The following ZFYVE9 variants were observed in gnomAD, a reference collection of about 807,000 sequenced individuals.
The protein encoded by ZFYVE9 is zinc finger FYVE-type containing 9.
Under a neutral mutation model 126.7 loss-of-function variants are expected in ZFYVE9, and 43 were observed. That is an observed-to-expected ratio of 0.34 (90% CI 0.27 to 0.44). The LOEUF (loss-of-function observed/expected upper bound fraction) is 0.44, where lower values mean the gene tolerates loss of function less well. Ranked by LOEUF, ZFYVE9 falls within the 20% of genes least tolerant of loss-of-function variation. ZFYVE9 has a pLI of 1.00. For synonymous variants in ZFYVE9, 521 were observed against 597.4 expected (o/e 0.87, Z 1.87); for missense variants, 1,476 against 1,697.0 (o/e 0.87, Z 2.29).
intron 1 of ZFYVE9, among the ~76,000 whole-genome samples, chr1:52,200,519 T>C (rs1644913741): frequency 6.6e-6 from 1 of 152,164 alleles, no homozygotes; most frequent in Non-Finnish European, 1.5e-5. Context: ...AGGTGCACCT[T>C]ATCAATTCTT....
intron 13 of ZFYVE9, among the ~76,000 whole-genome samples, chr1:52,327,416 A>G (rs1287395604): frequency 2.0e-5 from 3 of 151,478 alleles, no homozygotes; most frequent in Non-Finnish European, 4.4e-5. Context: ...AGCTTGGCCA[A>G]TATGGTGAAA....
At chr1:52,210,413 C>CT (rs111445524) in intron 1 of ZFYVE9, among the ~76,000 whole-genome samples, 7,157 of 152,148 alleles carry the variant, frequency 0.047, 564 homozygotes, top group African/African-American at 0.16. Flanking sequence ...AAACTGTACT[C>CT]TAAGAGACCC....
intron 3 of ZFYVE9, among the ~76,000 whole-genome samples, chr1:52,233,725 A>T (rs1439781673): frequency 6.6e-6 from 1 of 152,232 alleles, no homozygotes; most frequent in Non-Finnish European, 1.5e-5. Flanking sequence ...CAACTGCCTA[A>T]GTGGTTAATT....
chr1:52,267,849 C>G (rs1645648731), intron 6 of ZFYVE9, among the ~76,000 whole-genome samples: 1 of 152,178 alleles, frequency 6.6e-6, no homozygotes, highest in Non-Finnish European at 1.5e-5. Context: ...TTTTCCCTGT[C>G]TTTTTACTAA....
intron 7 of ZFYVE9, among the ~76,000 whole-genome samples, chr1:52,270,834 T>A (rs1312225380): frequency 6.6e-6 from 1 of 152,112 alleles, no homozygotes; most frequent in Non-Finnish European, 1.5e-5. Flanking sequence ...GATTAAACAT[T>A]TTTTGGCAGT....
chr1:52,185,248 T>C (rs946118696), intron 1 of ZFYVE9, among the ~76,000 whole-genome samples: 4 of 152,200 alleles, frequency 2.6e-5, no homozygotes, highest in African/African-American at 7.2e-5. Flanking sequence ...TTTTTAATTT[T>C]CATTAACAAA....
At chr1:52,340,032 A>G (rs1646420792) in intron 16 of ZFYVE9, 94 bp from the exon 17 acceptor site, 1 of 952,254 alleles carries the variant, frequency 1.1e-6, no homozygotes, top group Non-Finnish European at 1.7e-6. Flanking sequence ...ACCCAGTGTA[A>G]TTAGCAGGAA....
chr1:52,197,118 A>G (rs1442196819), intron 1 of ZFYVE9, among the ~76,000 whole-genome samples: 1 of 152,196 alleles, frequency 6.6e-6, no homozygotes, highest in African/African-American at 2.4e-5. Flanking sequence ...TATTGAAGAT[A>G]GTATTTCAGT....
intron 4 of ZFYVE9, among the ~76,000 whole-genome samples, chr1:52,256,737 G>A (rs1645523836): frequency 7.4e-6 from 1 of 135,474 alleles, no homozygotes; most frequent in African/African-American, 2.8e-5. Flanking sequence ...TTTAGACAGA[G>A]GCAAGGGTCT....
chr1:52,155,077 T>TAATG (rs1483828901), intron 1 of ZFYVE9, among the ~76,000 whole-genome samples: 1 of 152,200 alleles, frequency 6.6e-6, no homozygotes, highest in African/African-American at 2.4e-5. Flanking sequence ...TCCTATCTTA[T>TAATG]AATGGATTGC....
chr1:52,251,026 TTTG>T (rs200636201), intron 4 of ZFYVE9, among the ~76,000 whole-genome samples: 19,205 of 146,932 alleles, frequency 0.13, 1,507 homozygotes, highest in African/African-American at 0.21. Context: ...TTCAGTCGTT[TTTG>T]TTGTTGTTGT....
chr1:52,309,347 G>T (rs116505688), intron 13 of ZFYVE9, among the ~76,000 whole-genome samples: 5 of 152,062 alleles, frequency 3.3e-5, no homozygotes, highest in Non-Finnish European at 5.9e-5. Context: ...GCATGGTGGC[G>T]CATGCCCCGT....
chr1:52,198,120 GTTTGTTT>G (rs1644880520), intron 1 of ZFYVE9, among the ~76,000 whole-genome samples: 1 of 111,082 alleles, frequency 9.0e-6, no homozygotes, highest in African/African-American at 3.5e-5. Flanking sequence ...GTTTTTTTTT[GTTTGTTT>G]TTTTTTTTTT....
intron 13 of ZFYVE9, among the ~76,000 whole-genome samples, chr1:52,331,731 A>G (rs1646342882): frequency 6.7e-6 from 1 of 149,492 alleles, no homozygotes; most frequent in African/African-American, 2.4e-5. Flanking sequence ...CAGCTTGGGC[A>G]ACAGAGAGAG....
intron 7 of ZFYVE9, among the ~76,000 whole-genome samples, chr1:52,271,220 A>G (rs1420940465): frequency 6.6e-6 from 1 of 152,204 alleles, no homozygotes; most frequent in Non-Finnish European, 1.5e-5. Context: ...GTTATAGGGA[A>G]ACAATTTTCT....
At chr1:52,251,574 C>T (rs1458417205) in intron 4 of ZFYVE9, among the ~76,000 whole-genome samples, 1 of 151,844 alleles carries the variant, frequency 6.6e-6, no homozygotes, top group African/African-American at 2.4e-5. Context: ...GTGTATAATT[C>T]TATCAATATG....
intron 13 of ZFYVE9, among the ~76,000 whole-genome samples, chr1:52,332,346 A>G (rs547875973): frequency 6.6e-6 from 1 of 152,290 alleles, no homozygotes; most frequent in East Asian, 1.9e-4. Flanking sequence ...TTTTAGAGGG[A>G]AGTTCACTCC....
chr1:52,181,538 C>T (rs910767303), intron 1 of ZFYVE9, among the ~76,000 whole-genome samples: 2 of 152,198 alleles, frequency 1.3e-5, no homozygotes, highest in African/African-American at 4.8e-5. Context: ...CTCTGCCTGG[C>T]CGCCCATCGT....
At chr1:52,340,059 C>A in intron 16 of ZFYVE9, 67 bp from the exon 17 acceptor site, 1 of 1,316,426 alleles carries the variant, frequency 7.6e-7, no homozygotes, top group Non-Finnish European at 1.1e-6. Flanking sequence ...TGCAGCAAAA[C>A]GTGATAGGAA....
Sources: allele counts gnomAD v4.1 joint callset (sites outside exome capture counted in the v4.1 genomes callset), GRCh38; gene constraint gnomAD v4.1.1; transcripts MANE v1.5; gene names NCBI Gene and HGNC (gene_info 2026-07-23, HGNC 2026-07-21).